The following NMT2 variants were observed in gnomAD, a reference collection of about 807,000 sequenced individuals.
The protein encoded by NMT2 is N-myristoyltransferase 2, also known as glycylpeptide N-tetradecanoyltransferase 2.
Under a neutral mutation model 65.4 loss-of-function variants are expected in NMT2, and 35 were observed. The ratio of observed to expected loss-of-function variants is 0.54; its 90% CI spans 0.41 to 0.71. The LOEUF (loss-of-function observed/expected upper bound fraction) is 0.71, where lower values mean the gene tolerates loss of function less well. Among genes scored for constraint, NMT2 ranks in the 30% least tolerant of loss-of-function variants. The pLI is 0.00. For missense variants in NMT2, 489 were observed against 611.3 expected, an observed-to-expected ratio of 0.80 and a Z score of 2.11; for synonymous variants, 226 against 231.8, an observed-to-expected ratio of 0.98 and a Z score of 0.23.
At chr10:15,149,430 TCAC>T (rs1847083042) in intron 1 of NMT2, among the ~76,000 whole-genome samples, 1 of 48,896 alleles carries the variant, frequency 2.0e-5, no homozygotes, top group Non-Finnish European at 3.9e-5. Flanking sequence ...ATCATCACCA[TCAC>T]CATCATCACC....
At position 15,133,303 on chromosome 10, in the gene NMT2, G is replaced by A. The variant is rs764532629; in HGVS notation, c.452C>T (p.Pro151Leu). ...EPDKDNVRQE[P>L]YSLPQGFMWD... ...CATAAAACCCTGTGGCAAAGAATAC[G>A]GTTCTTGGCGTACGTTGTCTTTATC... Residue 151 changes from proline (P) to leucine (L), a missense_variant, in exon 4 of 12, where the codon CCG (proline) becomes CTG (leucine). Pro to Leu is a moderately conservative substitution (Grantham distance 98, BLOSUM62 -3). Transcript: ENST00000378165. The A allele has an allele frequency of 5.0e-6, 8 of 1,613,946 alleles. No homozygotes were observed. The highest frequency in any genetic ancestry group is 1.6e-4 in the Middle Eastern group (1 of 6,084).
At chr10:15,114,366 G>GA (rs1383125198) in intron 9 of NMT2, among the ~76,000 whole-genome samples, 1 of 152,082 alleles carries the variant, frequency 6.6e-6, no homozygotes, top group Admixed American at 6.6e-5. Flanking sequence ...AATGACCAGA[G>GA]AATCACCAAC....
At chr10:15,132,791 C>A in intron 6 of NMT2, 26 bp downstream of exon 6, 1 of 1,478,352 alleles carries the variant, frequency 6.8e-7, no homozygotes, top group Non-Finnish European at 9.3e-7. Context: ...CATATAAAAA[C>A]CGCATGGACG....
chr10:15,114,422 A>G (rs370428049), intron 9 of NMT2, among the ~76,000 whole-genome samples: 1 of 152,120 alleles, frequency 6.6e-6, no homozygotes, highest in Non-Finnish European at 1.5e-5. Context: ...CTCACACCCA[A>G]TCAATTGTAA....
In NMT2 at chr10:15,133,426, T is replaced by C. The variant is rs200138379; in HGVS notation, c.392-63A>G. ...AGCGAGAATATTAAATGACAAAGTA[T>C]TCTAACCATCCAAAGTGGTCAGTGA... On this transcript the variant is annotated intron_variant, in intron 3 of 11. Coordinates refer to ENST00000378165, the MANE Select transcript of NMT2 (RefSeq NM_004808.3). 3.7e-5 allele frequency: 48 copies of C among 1,305,586 alleles called. No individual in the cohort carries two copies. In the East Asian group the frequency reaches 1.1e-3, roughly 29 times the overall value. 80.9% of individuals were successfully genotyped at this position (1,305,586 alleles called of 1,614,324 possible).
rs959115271 is a variant in NMT2 at position 15,120,857 on chromosome 10, C to T, written c.1000-1344G>A. 1.2e-4 allele frequency among the ~76,000 whole-genome samples: 19 copies of T among 152,158 alleles called. 1 individual carries two copies. The highest frequency in any genetic ancestry group is 3.9e-4 in the African/African-American group (16 of 41,440). On this transcript the variant is annotated intron_variant, in intron 8 of 11. Transcript: ENST00000378165. ...TAACGGCAAATGGCTGCCAGGGACG[C>T]GGCCTGGCCTCTCCTGCCACATCTT... is the stretch of plus-strand genomic sequence containing the variant.
In NMT2 at chr10:15,108,790, C is replaced by A; in HGVS notation, c.*405G>T. 2 of 1,029,782 alleles carry A rather than the reference C, an allele frequency of 1.9e-6. No homozygotes were observed. The highest frequency in any genetic ancestry group is 1.2e-6 in the Non-Finnish European group (1 of 859,700). The allele number at this position is 1,029,782 out of a possible 1,614,324, so 63.8% of individuals were successfully genotyped here. Reference sequence around the variant, plus strand: ...TGTTCTGTTACATGGACAAATGTACCATCACTTAAGAAACAGAAATGCAGC... The same window carrying A: ...TGTTCTGTTACATGGACAAATGTACAATCACTTAAGAAACAGAAATGCAGC... On this transcript the variant is annotated 3_prime_UTR_variant, in exon 12 of 12. Coordinates refer to ENST00000378165, the MANE Select transcript of NMT2 (RefSeq NM_004808.3).
chr10:15,133,112 A>G lies in NMT2; in HGVS notation c.543T>C (p.Asn181=). The G allele has an allele frequency of 6.2e-7, 1 of 1,614,098 alleles. No individual in the cohort carries two copies. Among genetic ancestry groups the G allele is most frequent in the Non-Finnish European group, 8.5e-7 (1 of 1,179,930 alleles). ...LKELYTLLNE[N]YVEDDDNMFR... ...ACATATTGTCATCATCTTCTACGTA[A>G]TTCTCATTTAACAACGTGTATAACT... The change falls in exon 5 of 12, where the codon AAT becomes AAC. Residue 181 remains asparagine (N), a synonymous_variant. Coordinates refer to ENST00000378165, the MANE Select transcript of NMT2 (RefSeq NM_004808.3).
chr10:15,133,370 AG>A lies in NMT2; in HGVS notation c.392-8del, dbSNP rs751749808. ...TGAGATGTTATGACTTCATCTGAAC[AG>A]GGAGAGAAAGAGAAAAAAGAAAGGC... On this transcript the variant is annotated splice_polypyrimidine_tract_variant and splice_region_variant and intron_variant, in intron 3 of 11. Transcript: ENST00000378165. 5.8e-5 allele frequency: 91 copies of A among 1,578,844 alleles called. No homozygotes were observed. The highest frequency in any genetic ancestry group is 7.2e-5 in the Non-Finnish European group (83 of 1,147,912).
chr10:15,148,757 A>T (rs1303179871), intron 1 of NMT2, among the ~76,000 whole-genome samples: 1 of 152,188 alleles, frequency 6.6e-6, no homozygotes, highest in Non-Finnish European at 1.5e-5. Flanking sequence ...AGTGTCTGAC[A>T]TATAAAAGAT....
intron 2 of NMT2, among the ~76,000 whole-genome samples, chr10:15,136,749 G>A (rs941133066): frequency 6.6e-6 from 1 of 151,838 alleles, no homozygotes; most frequent in African/African-American, 2.4e-5. Flanking sequence ...CTCCTTTTTA[G>A]GTAAAACATT....
chr10:15,124,868 T>C (rs1334255942), intron 8 of NMT2, among the ~76,000 whole-genome samples: 1 of 152,238 alleles, frequency 6.6e-6, no homozygotes, highest in Non-Finnish European at 1.5e-5. Context: ...TTCCTATGAC[T>C]TAAAAGGGGG....
At chr10:15,154,078 G>A in intron 1 of NMT2, among the ~76,000 whole-genome samples, 1 of 152,216 alleles carries the variant, frequency 6.6e-6, no homozygotes, top group Non-Finnish European at 1.5e-5. Flanking sequence ...CCTCAGTGGG[G>A]AATTTGTGCC....
In NMT2 at chr10:15,168,688, C is replaced by G. The variant is rs1833463745; in HGVS notation, c.-76G>C. 7 of 1,135,798 alleles carry G rather than the reference C, an allele frequency of 6.2e-6. No homozygotes were observed. The highest frequency in any genetic ancestry group is 7.3e-6 in the Non-Finnish European group (6 of 820,478). The allele number at this position is 1,135,798 out of a possible 1,614,324, so 70.4% of individuals were successfully genotyped here. On this transcript the variant is annotated 5_prime_UTR_variant, in exon 1 of 12. Transcript: ENST00000378165. ...CGCAGCTCCCTCTAGTGCCTCCCGCCGTACTGCTTGGAGTCGGAGCCCGGG... is the reference window on the plus strand; with the variant it reads ...CGCAGCTCCCTCTAGTGCCTCCCGCGGTACTGCTTGGAGTCGGAGCCCGGG...
intron 3 of NMT2, among the ~76,000 whole-genome samples, chr10:15,134,309 A>T (rs1846393802): frequency 6.6e-6 from 1 of 151,650 alleles, no homozygotes; most frequent in African/African-American, 2.4e-5. Context: ...GCCCCTCTCC[A>T]CACCCTCCCT....
chr10:15,168,299 C>A, intron 1 of NMT2: 2 of 432,126 alleles, frequency 4.6e-6, no homozygotes, highest in Non-Finnish European at 8.2e-6. Context: ...TCCCCGCCCA[C>A]CCCGGGCCTC....
intron 9 of NMT2, among the ~76,000 whole-genome samples, chr10:15,117,678 A>G (rs938377466): frequency 5.9e-5 from 9 of 152,082 alleles, no homozygotes; most frequent in Admixed American, 3.3e-4. Flanking sequence ...GGAACCAGTA[A>G]GTGATTTCAG....
intron 9 of NMT2, among the ~76,000 whole-genome samples, chr10:15,117,621 A>C (rs530729575): frequency 1.1e-4 from 16 of 152,342 alleles, no homozygotes; most frequent in African/African-American, 3.8e-4. Flanking sequence ...TTTGCAGATG[A>C]CACATTGTCT....
At chr10:15,136,223 A>AAAGGGAAAGGGAAAGGGAAAGGAAGGG (rs1334570994) in intron 2 of NMT2, among the ~76,000 whole-genome samples, 191 of 143,656 alleles carry the variant, frequency 1.3e-3, no homozygotes, top group African/African-American at 4.6e-3. Context: ...CTCTGTCAGG[A>AAAGGGAAAGGGAAAGGGAAAGGAAGGG]AAGGGAAAGG....
Sources: allele counts gnomAD v4.1 joint callset (sites outside exome capture counted in the v4.1 genomes callset), GRCh38; gene constraint gnomAD v4.1.1; transcripts MANE v1.5; gene names NCBI Gene and HGNC (gene_info 2026-07-23, HGNC 2026-07-21).